OPCML: variants seen among roughly 807,000 people sequenced by gnomAD.
The protein encoded by OPCML is opioid-binding protein/cell adhesion molecule.
Under a neutral mutation model 37.8 loss-of-function variants are expected in OPCML, and 13 were observed. The ratio of observed to expected loss-of-function variants is 0.34; its 90% CI spans 0.22 to 0.55. The LOEUF is 0.55. OPCML is among the 20% of genes least tolerant of loss of function. OPCML has a pLI of 0.91. For missense variants in OPCML, 341 were observed against 435.6 expected, an observed-to-expected ratio of 0.78 and a Z score of 1.93; for synonymous variants, 176 against 168.8, an observed-to-expected ratio of 1.04 and a Z score of -0.33.
intron 1 of OPCML, among the ~76,000 whole-genome samples, chr11:133,436,137 A>AT (rs1328821900): frequency 1.3e-5 from 2 of 151,982 alleles, no homozygotes; most frequent in South Asian, 2.1e-4. Flanking sequence ...TCATTCTCAA[A>AT]TTTAAAAAAA....
intron 1 of OPCML, among the ~76,000 whole-genome samples, chr11:133,044,898 T>A (rs1222863242): frequency 1.3e-5 from 2 of 152,160 alleles, no homozygotes; most frequent in Non-Finnish European, 2.9e-5. Flanking sequence ...AACCACTCTC[T>A]CATTTCCAAA....
At chr11:132,492,967 C>G (rs529269299) in intron 4 of OPCML, among the ~76,000 whole-genome samples, 1 of 152,272 alleles carries the variant, frequency 6.6e-6, no homozygotes, top group South Asian at 2.1e-4. Context: ...TAGCACAGTA[C>G]CTGGCATATA....
chr11:133,517,737 A>G (rs1948313309), intron 1 of OPCML, among the ~76,000 whole-genome samples: 1 of 152,244 alleles, frequency 6.6e-6, no homozygotes, highest in African/African-American at 2.4e-5. Context: ...ATGGAGGGAC[A>G]CATCTCAGCA....
At chr11:133,047,737 A>C (rs530880547) in intron 1 of OPCML, among the ~76,000 whole-genome samples, 25 of 152,240 alleles carry the variant, frequency 1.6e-4, no homozygotes, top group Non-Finnish European at 3.4e-4. Context: ...ATTACAGCTC[A>C]GAAGCAGACA....
In OPCML at chr11:133,278,036, G is replaced by A. The variant is rs573875070; in HGVS notation, c.61+254228C>T. Among the ~76,000 whole-genome samples the A allele has an allele frequency of 4.1e-4, 62 of 152,268 alleles. No homozygotes were observed. In the South Asian group the frequency reaches 0.013, roughly 32 times the overall value. On this transcript the variant is annotated intron_variant, in intron 1 of 7. Coordinates refer to ENST00000524381, the MANE Select transcript of OPCML (RefSeq NM_001012393.5). ...TTTAAATTCTGTGGTCTGTAAGTGA[G>A]ATTCTATCAGCACTGGAATTCTGAA...
At chr11:133,231,687 T>G (rs966037113) in intron 1 of OPCML, among the ~76,000 whole-genome samples, 7 of 152,174 alleles carry the variant, frequency 4.6e-5, no homozygotes, top group African/African-American at 1.7e-4. Flanking sequence ...TCACCAGCTC[T>G]GTGACCTTGG....
At chr11:132,687,251 C>T (rs1218148666) in intron 2 of OPCML, among the ~76,000 whole-genome samples, 1 of 150,492 alleles carries the variant, frequency 6.6e-6, no homozygotes, top group Non-Finnish European at 1.5e-5. Flanking sequence ...GTCAGTTTTG[C>T]CGTATTATGT....
At chr11:133,446,054 A>T (rs1946468030) in intron 1 of OPCML, among the ~76,000 whole-genome samples, 1 of 152,124 alleles carries the variant, frequency 6.6e-6, no homozygotes, top group Non-Finnish European at 1.5e-5. Flanking sequence ...ATAGAGCAAA[A>T]CTTTAGAAGT....
At position 133,267,124 on chromosome 11, in the gene OPCML, G is replaced by A. The variant is rs540818326; in HGVS notation, c.61+265140C>T. Among the ~76,000 whole-genome samples the A allele has an allele frequency of 8.5e-5, 13 of 152,200 alleles. 1 individual carries two copies. Among genetic ancestry groups the A allele is most frequent in the Non-Finnish European group, 1.9e-4 (13 of 68,038 alleles). ...GGAAGGACTTTGTAGGCGGTGGAAT[G>A]CAATGTGTTGGAAAGAGTGTACATT... is the stretch of plus-strand genomic sequence containing the variant. On this transcript the variant is annotated intron_variant, in intron 1 of 7. Transcript: ENST00000524381.
intron 3 of OPCML, among the ~76,000 whole-genome samples, chr11:132,554,863 G>GTTTTTTTGTTTTTTTTTTT (rs1235737787): frequency 1.6e-5 from 1 of 64,010 alleles, no homozygotes; most frequent in Non-Finnish European, 2.7e-5. Context: ...ATGGGGTAAA[G>GTTTTTTTGTTTTTTTTTTT]TTTTTTTTTT....
At chr11:132,726,305 T>G (rs914683431) in intron 2 of OPCML, among the ~76,000 whole-genome samples, 1 of 152,154 alleles carries the variant, frequency 6.6e-6, no homozygotes, top group Non-Finnish European at 1.5e-5. Context: ...CTTACATGGA[T>G]GGCAGCAGGC....
intron 3 of OPCML, among the ~76,000 whole-genome samples, chr11:132,600,218 G>A (rs867575648): frequency 6.6e-6 from 1 of 152,162 alleles, no homozygotes; most frequent in Non-Finnish European, 1.5e-5. Context: ...ATGGTGCTCT[G>A]TTCTAAGAGA....
At chr11:132,536,057 G>A (rs1591520351) in intron 3 of OPCML, among the ~76,000 whole-genome samples, 1 of 152,160 alleles carries the variant, frequency 6.6e-6, no homozygotes, top group East Asian at 1.9e-4. Flanking sequence ...AAGATTAGGA[G>A]TCATTGCTAC....
intron 4 of OPCML, among the ~76,000 whole-genome samples, chr11:132,466,475 C>T (rs769380720): frequency 1.4e-4 from 21 of 147,404 alleles, no homozygotes; most frequent in Non-Finnish European, 3.0e-4. Flanking sequence ...CACAGCGAGA[C>T]TCCGTCTCGG....
At chr11:132,724,048 A>C (rs1035623761) in intron 2 of OPCML, among the ~76,000 whole-genome samples, 15 of 151,972 alleles carry the variant, frequency 9.9e-5, no homozygotes, top group African/African-American at 3.4e-4. Context: ...GCAGGGGTAC[A>C]TAGATGCCTG....
intron 2 of OPCML, among the ~76,000 whole-genome samples, chr11:132,755,658 C>A (rs1303803581): frequency 1.3e-5 from 2 of 152,166 alleles, no homozygotes; most frequent in African/African-American, 4.8e-5. Context: ...TAGTCAAAGT[C>A]TGCTCATATT....
chr11:133,018,611 T>C (rs1361502621), intron 1 of OPCML, among the ~76,000 whole-genome samples: 1 of 152,138 alleles, frequency 6.6e-6, no homozygotes, highest in Non-Finnish European at 1.5e-5. Flanking sequence ...CTCCGCGCTG[T>C]ATTTAGAGGT....
intron 3 of OPCML, among the ~76,000 whole-genome samples, chr11:132,561,158 C>T (rs547712959): frequency 2.0e-5 from 3 of 152,272 alleles, no homozygotes; most frequent in Admixed American, 6.5e-5. Flanking sequence ...TCTGAAATGA[C>T]GTGTATGTCC....
chr11:132,732,405 C>T (rs993692140), intron 2 of OPCML, among the ~76,000 whole-genome samples: 2 of 152,078 alleles, frequency 1.3e-5, no homozygotes, highest in Non-Finnish European at 2.9e-5. Flanking sequence ...GGGTTATAGA[C>T]AAAGTAGTAA....
Sources: allele counts gnomAD v4.1 joint callset (sites outside exome capture counted in the v4.1 genomes callset), GRCh38; gene constraint gnomAD v4.1.1; transcripts MANE v1.5; gene names NCBI Gene and HGNC (gene_info 2026-07-23, HGNC 2026-07-21).